Variants in PCOLCE observed in about 807,000 individuals in gnomAD.
PCOLCE encodes procollagen C-endopeptidase enhancer, also known as procollagen C-endopeptidase enhancer 1.
In PCOLCE, 33 loss-of-function variants were observed where a neutral mutation model predicts 47.2. The observed-to-expected ratio is 0.70, with a 90% CI of 0.53 to 0.93. The LOEUF (loss-of-function observed/expected upper bound fraction) is 0.93, where lower values mean the gene tolerates loss of function less well. Among genes scored for constraint, PCOLCE ranks in the 40% least tolerant of loss-of-function variants. PCOLCE has a pLI of 0.00. For missense variants in PCOLCE, 584 were observed against 585.3 expected (o/e 1.00, Z 0.02); for synonymous variants, 254 against 252.5 (o/e 1.01, Z -0.06).
In PCOLCE at chr7:100,604,430, C is replaced by A. The variant is rs912208164; in HGVS notation, c.463+213C>A. The A allele has an allele frequency of 2.1e-5, 13 of 606,286 alleles. No homozygotes were observed. The highest frequency in any genetic ancestry group is 1.4e-4 in the Admixed American group (5 of 36,090). 37.6% of individuals were successfully genotyped at this position (606,286 alleles called of 1,614,324 possible). A position where few individuals can be genotyped will look rare whatever the true frequency, so the allele number is the denominator to read the frequency against. ...GCACCCACCCATCCCTCTTCCAGGG[C>A]CCCCCCCAGGCGCGAGGCGGAAATG... is the stretch of plus-strand genomic sequence containing the variant. On this transcript the variant is annotated intron_variant, in intron 3 of 8. Coordinates refer to ENST00000223061, the MANE Select transcript of PCOLCE (RefSeq NM_002593.4). This position sits in a 1 kb window ranked among gnomAD's most constrained non-coding sequence, Gnocchi z 6.4.
At chr7:100,603,738 C>CT in intron 2 of PCOLCE, 200 bp downstream of exon 2, 1 of 612,882 alleles carries the variant, frequency 1.6e-6, no homozygotes, top group Non-Finnish European at 2.9e-6. Context: ...CTTCATTCTC[C>CT]AGTCCCCGGC....
At chr7:100,607,107 C>T (rs1371756327) in intron 6 of PCOLCE, among the ~76,000 whole-genome samples, 1 of 108,812 alleles carries the variant, frequency 9.2e-6, no homozygotes, top group Non-Finnish European at 2.1e-5. Context: ...AAAAAAAAAA[C>T]TTAGCCAGGC....
rs945259356 is a variant in PCOLCE, at chr7:100,605,779, G to A, written c.692G>A (p.Arg231Lys). 3 of 1,555,052 alleles carry A rather than the reference G, an allele frequency of 1.9e-6. No homozygotes were observed. The highest frequency in any genetic ancestry group is 2.6e-6 in the Non-Finnish European group (3 of 1,149,058). ...FNGAVSDDSR[R>K]LGKFCGDAVP... ...GGAGCCGTGAGCGACGACTCCCGGA[G>A]GCTGGGGAAGTTCTGCGGCGACGCA... Residue 231 changes from arginine to lysine, a missense_variant, in exon 5 of 9, where the codon AGG (arginine) becomes AAG (lysine). By Grantham distance (26) the Arg-to-Lys change is conservative. Transcript: ENST00000223061. This position sits in a 1 kb window ranked among gnomAD's most constrained non-coding sequence, Gnocchi z 6.1.
chr7:100,604,311 C>T lies in PCOLCE; in HGVS notation c.463+94C>T. The stretch of plus-strand genomic sequence containing the variant: ...CCTAACCTCCGCCCCGCCCACCCCG[C>T]GCCCCAGTGCCTAGGGCCCCCTACC... On this transcript the variant is annotated intron_variant, in intron 3 of 8. Transcript: ENST00000223061. The surrounding 1 kb of genome is among the most constrained non-coding windows in gnomAD (Gnocchi z 6.4). The T allele has an allele frequency of 8.4e-7, 1 of 1,186,966 alleles. No individual in the cohort carries two copies. The highest frequency in any genetic ancestry group is 1.2e-6 in the Non-Finnish European group (1 of 851,698). The allele number at this position is 1,186,966 out of a possible 1,614,324, so 73.5% of individuals were successfully genotyped here. A position where few individuals can be genotyped will look rare whatever the true frequency, so the allele number is the denominator to read the frequency against.
chr7:100,603,060 G>C, intron 1 of PCOLCE: 1 of 238,290 alleles, frequency 4.2e-6, no homozygotes, highest in Non-Finnish European at 8.0e-6. Flanking sequence ...CCACCGCCTC[G>C]TGGCTGTGTC....
rs943339603 is a variant in PCOLCE at position 100,604,894 on chromosome 7, C to T, written c.464-197C>T. On this transcript the variant is annotated intron_variant, in intron 3 of 8. Coordinates refer to ENST00000223061, the MANE Select transcript of PCOLCE (RefSeq NM_002593.4). This position sits in a 1 kb window ranked among gnomAD's most constrained non-coding sequence, Gnocchi z 6.4. The stretch of plus-strand genomic sequence containing the variant: ...ACCGCCCGCCAGTGCGCCCTGCGGC[C>T]CCAGACTTCCCCGAGCCGCGCTCCT... 3.7e-6 allele frequency: 2 copies of T among 536,464 alleles called. No homozygotes were observed. Among genetic ancestry groups the T allele is most frequent in the Non-Finnish European group, 6.7e-6 (2 of 299,758 alleles). The allele number at this position is 536,464 out of a possible 1,614,324, so 33.2% of individuals were successfully genotyped here. A position where few individuals can be genotyped will look rare whatever the true frequency, so the allele number is the denominator to read the frequency against.
At position 100,606,581 on chromosome 7, in the gene PCOLCE, C is replaced by T. The variant is rs369714634; in HGVS notation, c.891C>T (p.Pro297=). The T allele has an allele frequency of 1.8e-5, 29 of 1,613,894 alleles. No individual in the cohort carries two copies. The African/African-American group carries it at 3.6e-4, about 20-fold the overall frequency. ...KRGTEPKVKL[P]PKSQPPEKTE... The stretch of plus-strand genomic sequence containing the variant: ...GAACTGAGCCTAAAGTCAAGCTGCC[C>T]CCCAAGTCCCAACCTCCGGAGAAAA... The change falls in exon 6 of 9, where the codon CCC becomes CCT. Residue 297 remains proline (P), a synonymous_variant. Coordinates refer to ENST00000223061, the MANE Select transcript of PCOLCE (RefSeq NM_002593.4).
At chr7:100,606,700 C>A (rs1802724173) in intron 6 of PCOLCE, 70 bp downstream of exon 6, 3 of 1,182,696 alleles carry the variant, frequency 2.5e-6, no homozygotes, top group Non-Finnish European at 3.6e-6. Context: ...CTGACCTGGG[C>A]TGTGGCTCAC....
intron 1 of PCOLCE, chr7:100,603,151 A>C: frequency 2.9e-6 from 1 of 341,010 alleles, no homozygotes; most frequent in African/African-American, 2.3e-5. Flanking sequence ...GGGGCCGAGG[A>C]GGATTCCGGG....
chr7:100,607,473 A>G lies in PCOLCE; in HGVS notation c.962A>G (p.Gln321Arg), dbSNP rs763716897. Residue 321 changes from glutamine (Q) to arginine (R), a missense_variant, in exon 7 of 9, where the codon CAG becomes CGG. Gln to Arg is a conservative substitution (Grantham distance 43, BLOSUM62 1). Coordinates refer to ENST00000223061, the MANE Select transcript of PCOLCE (RefSeq NM_002593.4). ...SAPDAPTCPK[Q>R]CRRTGTLQSN... ...CTAGATGCACCCACCTGCCCAAAGC[A>G]GTGCCGCCGGACAGGCACCTTGCAG... 30 of 1,613,992 alleles carry G rather than the reference A, an allele frequency of 1.9e-5. No individual in the cohort carries two copies. Among genetic ancestry groups the G allele is most frequent in the Non-Finnish European group, 2.5e-5 (29 of 1,180,000 alleles).
Position 100,607,955 on chromosome 7 carries a change from T to C in PCOLCE, c.1202T>C (p.Met401Thr), listed in dbSNP as rs765709076. Residue 401 changes from methionine to threonine, a missense_variant, in exon 9 of 9, where the codon ATG becomes ACG. Coordinates refer to ENST00000223061, the MANE Select transcript of PCOLCE (RefSeq NM_002593.4). Reference sequence around the variant, plus strand: ...CTTCCAGGAGTCAGTTATCTGCTGATGGGCCAGGTAGAAGAGAACAGAGGC... The same window carrying C: ...CTTCCAGGAGTCAGTTATCTGCTGACGGGCCAGGTAGAAGAGAACAGAGGC... ...PMKKGVSYLLMGQVEENRGPV... is the reference protein window; with the variant it reads ...PMKKGVSYLLTGQVEENRGPV... 3.7e-6 allele frequency: 6 copies of C among 1,614,062 alleles called. No homozygotes were observed. The highest frequency in any genetic ancestry group is 4.2e-6 in the Non-Finnish European group (5 of 1,180,038).
In PCOLCE at chr7:100,607,689, C is replaced by T. The variant is rs754191600; in HGVS notation, c.1065C>T (p.Ala355=). The T allele has an allele frequency of 1.9e-6, 3 of 1,613,944 alleles. No homozygotes were observed. The highest frequency in any genetic ancestry group is 1.6e-4 in the Middle Eastern group (1 of 6,082). Reference sequence around the variant, plus strand: ...TTCGGGAGCCAGGGGAGGGCCTTGCCGTGACTGTCAGTCTTATTGGTGCTT... The same window carrying T: ...TTCGGGAGCCAGGGGAGGGCCTTGCTGTGACTGTCAGTCTTATTGGTGCTT... ...SMVREPGEGL[A]VTVSLIGAYK... The change falls in exon 8 of 9, where the codon GCC becomes GCT. Residue 355 remains alanine, a synonymous_variant. Transcript: ENST00000223061.
chr7:100,605,434 C>A lies in PCOLCE; in HGVS notation c.588+219C>A, dbSNP rs149792287. 1.5e-6 allele frequency: 1 copy of A among 653,252 alleles called. No homozygotes were observed. Among genetic ancestry groups the A allele is most frequent in the Non-Finnish European group, 2.6e-6 (1 of 384,696 alleles). The allele number at this position is 653,252 out of a possible 1,614,324, so 40.5% of individuals were successfully genotyped here. A position where few individuals can be genotyped will look rare whatever the true frequency, so the allele number is the denominator to read the frequency against. ...AGCGAGGTACAGGGTCCTGGTATAA[C>A]ACGCGGGCCTGTCACTTGTGAGTGC... is the stretch of plus-strand genomic sequence containing the variant. On this transcript the variant is annotated intron_variant, in intron 4 of 8. Coordinates refer to ENST00000223061, the MANE Select transcript of PCOLCE (RefSeq NM_002593.4). This position sits in a 1 kb window ranked among gnomAD's most constrained non-coding sequence, Gnocchi z 6.1.
chr7:100,607,097 A>G (rs1445952186), intron 6 of PCOLCE, among the ~76,000 whole-genome samples: 2 of 151,598 alleles, frequency 1.3e-5, no homozygotes, highest in Admixed American at 1.3e-4. Flanking sequence ...TCTCAAAAAA[A>G]AAAAAAAAAC....
rs145772218 is a variant in PCOLCE, at chr7:100,606,072, T to G, written c.725+260T>G. 527 of 557,670 alleles carry G rather than the reference T, an allele frequency of 9.5e-4. 5 individuals carry two copies. In the East Asian group the frequency reaches 0.012, roughly 12 times the overall value. The allele number at this position is 557,670 out of a possible 1,614,324, so 34.5% of individuals were successfully genotyped here. A position where few individuals can be genotyped will look rare whatever the true frequency, so the allele number is the denominator to read the frequency against. ...GGCCAGGGGTAGTGGCTCATGCCTG[T>G]AATCATAGCACTTTGGGAGGCTGAA... On this transcript the variant is annotated intron_variant, in intron 5 of 8. Transcript: ENST00000223061.
chr7:100,602,763 C>T, intron 1 of PCOLCE: 1 of 582,704 alleles, frequency 1.7e-6, no homozygotes, highest in Non-Finnish European at 3.1e-6. Flanking sequence ...CCCCCACCTT[C>T]GTCCTCTGGT....
At chr7:100,602,928 G>T in intron 1 of PCOLCE, 1 of 315,800 alleles carries the variant, frequency 3.2e-6, no homozygotes, top group Admixed American at 4.9e-5. Context: ...TTGGGAGTCA[G>T]AATCTGAAGT....
In PCOLCE at chr7:100,605,831, G is replaced by C; in HGVS notation, c.725+19G>C. 1 of 1,549,418 alleles carries C rather than the reference G, an allele frequency of 6.5e-7. No homozygotes were observed. The highest frequency in any genetic ancestry group is 8.7e-7 in the Non-Finnish European group (1 of 1,145,998). On this transcript the variant is annotated intron_variant, in intron 5 of 8. Transcript: ENST00000223061. This position sits in a 1 kb window ranked among gnomAD's most constrained non-coding sequence, Gnocchi z 6.1. ...TCCCGGGGTGAGGGGCGGGACCTGG[G>C]CGAGTCCGGGAGAGAGTCGGCGGAC...
rs759451258 is a variant in PCOLCE at position 100,605,377 on chromosome 7, G to A, written c.588+162G>A. 5.1e-5 allele frequency: 38 copies of A among 744,394 alleles called. No individual in the cohort carries two copies. The highest frequency in any genetic ancestry group is 7.8e-5 in the Non-Finnish European group (36 of 462,786). The allele number at this position is 744,394 out of a possible 1,614,324, so 46.1% of individuals were successfully genotyped here. A position where few individuals can be genotyped will look rare whatever the true frequency, so the allele number is the denominator to read the frequency against. ...CCCCTGCATGCACGCAAACAAAAAT[G>A]TAAAAATTACAACTGAGACAAGTCT... is the stretch of plus-strand genomic sequence containing the variant. On this transcript the variant is annotated intron_variant, in intron 4 of 8. Transcript: ENST00000223061. The surrounding 1 kb of genome is among the most constrained non-coding windows in gnomAD (Gnocchi z 6.1).
Sources: gnomAD v4.1 joint callset for allele counts (sites outside exome capture counted in the v4.1 genomes callset) on GRCh38, gnomAD v4.1.1 for gene constraint, Gnocchi (gnomAD v3.1) non-coding constraint, MANE v1.5 for transcripts, NCBI Gene and HGNC (gene_info 2026-07-23, HGNC 2026-07-21) for gene names.